The following SMYD3 variants were observed in gnomAD, a reference collection of about 807,000 sequenced individuals.
The protein encoded by SMYD3 is SET and MYND domain containing 3.
In SMYD3, 36 loss-of-function variants were observed where a neutral mutation model predicts 57.7. The ratio of observed to expected loss-of-function variants is 0.62; its 90% confidence interval spans 0.48 to 0.82. The LOEUF (loss-of-function observed/expected upper bound fraction) is 0.82. Among genes scored for constraint, SMYD3 ranks in the 40% least tolerant of loss-of-function variants. SMYD3 has a pLI of 0.00. For synonymous variants in SMYD3, 211 were observed against 195.0 expected (o/e 1.08, Z -0.68); for missense variants, 515 against 538.8 (o/e 0.96, Z 0.44).
At chr1:246,244,393 A>G (rs901033477) in intron 5 of SMYD3, among the ~76,000 whole-genome samples, 6 of 152,116 alleles carry the variant, frequency 3.9e-5, no homozygotes, top group Non-Finnish European at 7.4e-5. Flanking sequence ...GGAAAAAAAA[A>G]ATCCTGACTT....
chr1:245,792,917 C>G (rs1198854531), intron 10 of SMYD3, among the ~76,000 whole-genome samples: 1 of 152,104 alleles, frequency 6.6e-6, no homozygotes, highest in Non-Finnish European at 1.5e-5. Flanking sequence ...ATATGCTCTC[C>G]TAAGTTATAA....
intron 5 of SMYD3, among the ~76,000 whole-genome samples, chr1:246,168,617 T>C (rs528926361): frequency 5.3e-5 from 8 of 152,298 alleles, no homozygotes; most frequent in South Asian, 2.1e-4. Context: ...TACTTTATAA[T>C]TGTTATTTCT....
chr1:246,154,846 A>G (rs1186164915), intron 5 of SMYD3, among the ~76,000 whole-genome samples: 1 of 151,382 alleles, frequency 6.6e-6, no homozygotes, highest in East Asian at 1.9e-4. Context: ...CACTGGTGCA[A>G]TTTTGGCTCA....
At chr1:245,888,427 T>C (rs1013454416) in intron 8 of SMYD3, among the ~76,000 whole-genome samples, 5 of 152,184 alleles carry the variant, frequency 3.3e-5, no homozygotes, top group African/African-American at 1.2e-4. Flanking sequence ...CTTGATGTTA[T>C]TTTACCTTTA....
intron 5 of SMYD3, among the ~76,000 whole-genome samples, chr1:246,143,655 G>A (rs946039605): frequency 4.6e-5 from 7 of 152,138 alleles, no homozygotes; most frequent in East Asian, 3.9e-4. Flanking sequence ...GCAACAGAGC[G>A]AGACCCTATC....
chr1:246,471,498 C>T (rs573779092), intron 1 of SMYD3, among the ~76,000 whole-genome samples: 3 of 152,224 alleles, frequency 2.0e-5, no homozygotes, highest in East Asian at 1.9e-4. Flanking sequence ...TGCCTGGCCC[C>T]ATATTTTAAA....
chr1:246,261,692 A>C (rs1373011753), intron 5 of SMYD3, among the ~76,000 whole-genome samples: 1 of 135,156 alleles, frequency 7.4e-6, no homozygotes, highest in Admixed American at 7.4e-5. Context: ...TCAAAAAAAA[A>C]CAGTAATAAG....
intron 10 of SMYD3, among the ~76,000 whole-genome samples, chr1:245,810,168 C>T (rs565633285): frequency 3.3e-5 from 5 of 152,200 alleles, no homozygotes; most frequent in Admixed American, 6.5e-5. Flanking sequence ...GCAGAGCCTT[C>T]GAGTTAGAGC....
intron 10 of SMYD3, among the ~76,000 whole-genome samples, chr1:245,847,089 G>A (rs898518873): frequency 1.3e-5 from 2 of 152,142 alleles, no homozygotes; most frequent in Non-Finnish European, 2.9e-5. Flanking sequence ...ACCTGGCTGG[G>A]CCATTTCCCT....
chr1:246,343,750 T>C (rs1206008342), intron 2 of SMYD3, among the ~76,000 whole-genome samples: 1 of 152,184 alleles, frequency 6.6e-6, no homozygotes, highest in Non-Finnish European at 1.5e-5. Context: ...ATCCAGATTA[T>C]TGCTATAGCC....
rs369181751 is a variant in SMYD3 at position 246,491,544 on chromosome 1, T to TAAAA, written c.164+15506_164+15509dup. On this transcript the variant is annotated intron_variant, in intron 1 of 11. Coordinates refer to ENST00000490107, the MANE Select transcript of SMYD3 (RefSeq NM_001167740.2). ...AACAAGAGCGAAACTTCGTCTCAAA[T>TAAAA]AAAAAAAAAAAAAAAAGAGAGAGAA... is the stretch of plus-strand genomic sequence containing the variant. 8.5e-5 allele frequency among the ~76,000 whole-genome samples: 8 copies of TAAAA among 93,620 alleles called. No homozygotes were observed. In the South Asian group the frequency reaches 2.5e-3, roughly 30 times the overall value. 61.4% of individuals were successfully genotyped at this position (93,620 alleles called of 152,430 possible). A position where few individuals can be genotyped will look rare whatever the true frequency, so the allele number is the denominator to read the frequency against.
chr1:246,282,589 AC>A (rs1459141972), intron 5 of SMYD3, among the ~76,000 whole-genome samples: 4 of 150,194 alleles, frequency 2.7e-5, no homozygotes, highest in African/African-American at 9.7e-5. Context: ...TCTTTTGCTT[AC>A]CTATCATTAT....
intron 5 of SMYD3, among the ~76,000 whole-genome samples, chr1:246,136,051 A>C (rs2061661441): frequency 6.6e-6 from 1 of 152,190 alleles, no homozygotes; most frequent in Non-Finnish European, 1.5e-5. Context: ...GTTAGATCAG[A>C]GAGTTATTGG....
At position 246,042,193 on chromosome 1, in the gene SMYD3, C is replaced by T. The variant is rs1468673850; in HGVS notation, c.532-112256G>A. Among the ~76,000 whole-genome samples the T allele has an allele frequency of 2.6e-5, 4 of 152,254 alleles. No homozygotes were observed. In the East Asian group the frequency reaches 7.7e-4, roughly 29 times the overall value. On this transcript the variant is annotated intron_variant, in intron 5 of 11. Transcript: ENST00000490107. ...GCTAATATTTCCCTCTAAATTCTAC[C>T]TTTATATAGCTCATCATTTGAATTT...
At chr1:246,148,973 C>T (rs1572109982) in intron 5 of SMYD3, among the ~76,000 whole-genome samples, 1 of 152,238 alleles carries the variant, frequency 6.6e-6, no homozygotes, top group Non-Finnish European at 1.5e-5. Flanking sequence ...AGGGTGGGTC[C>T]CAGGACAAAT....
intron 10 of SMYD3, among the ~76,000 whole-genome samples, chr1:245,783,009 G>A (rs2046893585): frequency 6.6e-6 from 1 of 152,202 alleles, no homozygotes; most frequent in South Asian, 2.1e-4. Context: ...ACCATGTGGG[G>A]CTGGCTTCTA....
At chr1:246,422,969 C>T (rs928471914) in intron 1 of SMYD3, among the ~76,000 whole-genome samples, 1 of 152,102 alleles carries the variant, frequency 6.6e-6, no homozygotes, top group African/African-American at 2.4e-5. Context: ...TAAACAAACA[C>T]ATACATCACA....
chr1:245,947,549 G>A (rs1460342959), intron 5 of SMYD3: 7 of 364,406 alleles, frequency 1.9e-5, no homozygotes, highest in Admixed American at 7.0e-5. Flanking sequence ...CTAAACCATC[G>A]GCTAATGAGA....
intron 1 of SMYD3, among the ~76,000 whole-genome samples, chr1:246,453,088 T>C (rs1317596460): frequency 2.0e-5 from 3 of 152,232 alleles, no homozygotes; most frequent in African/African-American, 7.2e-5. Flanking sequence ...ACTAAATCAT[T>C]TAATTCATAT....
Sources: allele counts gnomAD v4.1 joint callset (sites outside exome capture counted in the v4.1 genomes callset), GRCh38; gene constraint gnomAD v4.1.1; transcripts MANE v1.5; gene names NCBI Gene and HGNC (gene_info 2026-07-23, HGNC 2026-07-21).